UCKL1: variants seen among roughly 807,000 people sequenced by gnomAD.
UCKL1 encodes uridine-cytidine kinase 1 like 1.
A neutral mutation model predicts 59.2 loss-of-function variants in UCKL1; 65 were observed. The observed-to-expected ratio is 1.10, with a 90% CI of 0.90 to 1.35. The LOEUF is 1.35. Ranked by LOEUF, UCKL1 falls within the 40% of genes most tolerant of loss-of-function variation. The probability of loss-of-function intolerance (pLI) is 0.00; values close to 1 mark genes in which losing one functional copy is unlikely to be tolerated. For missense variants in UCKL1, 703 were observed against 784.3 expected, an observed-to-expected ratio of 0.90 and a Z score of 1.24; for synonymous variants, 410 against 323.1, an observed-to-expected ratio of 1.27 and a Z score of -2.88.
Position 63,940,849 on chromosome 20 carries a change from A to C in UCKL1, c.1124T>G (p.Val375Gly). The C allele has an allele frequency of 6.5e-7, 1 of 1,548,730 alleles. No homozygotes were observed. Among genetic ancestry groups the C allele is most frequent in the Non-Finnish European group, 8.7e-7 (1 of 1,146,852 alleles). The change falls in exon 11 of 15, where the codon GTC (valine) becomes GGC (glycine). Residue 375 changes from valine to glycine, a missense_variant. Val to Gly is a moderately radical substitution (Grantham distance 109). This residue lies in a region of UCKL1 where 156 missense variants were observed against 185.6 expected (regional missense o/e 0.84). Transcript: ENST00000354216. ...ALSFLPFQDC[V>G]VQTPQGQDYA... ...GTCCTGCCCCTGCGGGGTCTGTACGACGCAGTCCTGTGGGGTGCAGGGTGA... is the reference window on the plus strand; with the variant it reads ...GTCCTGCCCCTGCGGGGTCTGTACGCCGCAGTCCTGTGGGGTGCAGGGTGA...
chr20:63,951,591 C>T (rs1739628185), intron 1 of UCKL1, among the ~76,000 whole-genome samples: 1 of 152,222 alleles, frequency 6.6e-6, no homozygotes, highest in African/African-American at 2.4e-5. Context: ...CTTGCCCTAC[C>T]CCCACTCACG....
intron 8 of UCKL1, among the ~76,000 whole-genome samples, 187 bp downstream of exon 8, chr20:63,943,466 G>T (rs755628269): frequency 6.6e-6 from 1 of 152,202 alleles, no homozygotes; most frequent in Admixed American, 6.5e-5. Context: ...GCTACTTCAC[G>T]TCTCTGTGCC....
rs994939605 is a variant in UCKL1 at position 63,951,026 on chromosome 20, G to C, written c.114-4383C>G. 7 of 1,253,556 alleles carry C rather than the reference G, an allele frequency of 5.6e-6. No individual in the cohort carries two copies. In the Admixed American group the frequency reaches 2.8e-4, roughly 51 times the overall value. The allele number at this position is 1,253,556 out of a possible 1,614,324, so 77.7% of individuals were successfully genotyped here. On this transcript the variant is annotated intron_variant, in intron 1 of 14. Transcript: ENST00000354216. ...TCCTGTGGGCAGCACAGTGGGTGCAGAGCCGGGTGGCTGGGGTGAGACCCT... is the reference window on the plus strand; with the variant it reads ...TCCTGTGGGCAGCACAGTGGGTGCACAGCCGGGTGGCTGGGGTGAGACCCT...
rs566785799 is a variant in UCKL1 at position 63,941,846 on chromosome 20, G to A, written c.924-638C>T. Among the ~76,000 whole-genome samples the A allele has an allele frequency of 1.8e-4, 28 of 152,196 alleles. No homozygotes were observed. In the East Asian group the frequency reaches 4.7e-3, roughly 25 times the overall value. On this transcript the variant is annotated intron_variant, in intron 8 of 14. Coordinates refer to ENST00000354216, the MANE Select transcript of UCKL1 (RefSeq NM_017859.4). ...GGCAAAGCCGGAAAGGGGCATGACA[G>A]GGGCAGGGAATGGGGCGGGGCAGGA... is the stretch of plus-strand genomic sequence containing the variant.
At chr20:63,946,902 G>A (rs879524300) in intron 1 of UCKL1, among the ~76,000 whole-genome samples, 26 of 151,796 alleles carry the variant, frequency 1.7e-4, no homozygotes, top group Admixed American at 1.4e-3. Context: ...ACATGGTGAA[G>A]ACCCGTCTCT....
rs914499190 is a variant in UCKL1 at position 63,939,870 on chromosome 20, A to C, written c.*106T>G. 2.3e-5 allele frequency: 23 copies of C among 979,260 alleles called. No individual in the cohort carries two copies. The East Asian group carries it at 6.0e-4, about 26-fold the overall frequency. The allele number at this position is 979,260 out of a possible 1,614,324, so 60.7% of individuals were successfully genotyped here. On this transcript the variant is annotated 3_prime_UTR_variant, in exon 15 of 15. Transcript: ENST00000354216. ...TTTATTTATTTTATAAAATGCATAG[A>C]ATAAATTATACTAGTAACATTTTAA...
chr20:63,955,330 C>G (rs1569169084), intron 1 of UCKL1: 1 of 152,306 alleles, frequency 6.6e-6, no homozygotes, highest in African/African-American at 2.4e-5. Flanking sequence ...ATGCAAAGTT[C>G]CTAGTCACTG....
chr20:63,940,892 G>A (rs2054197171), intron 10 of UCKL1, 36 bp from the exon 11 acceptor site: 1 of 1,525,178 alleles, frequency 6.6e-7, no homozygotes, highest in Non-Finnish European at 8.8e-7. Context: ...GGTGAGCGCA[G>A]GGAGCTCGCA....
intron 1 of UCKL1, chr20:63,955,445 C>G (rs1297206594): frequency 6.6e-6 from 1 of 152,262 alleles, no homozygotes; most frequent in African/African-American, 2.4e-5. Context: ...CACCCTTCCC[C>G]CTGCGGCATC....
In UCKL1 at chr20:63,944,865, A is replaced by G. The variant is rs2055712327; in HGVS notation, c.655-131T>C. On this transcript the variant is annotated intron_variant, in intron 5 of 14. Coordinates refer to ENST00000354216, the MANE Select transcript of UCKL1 (RefSeq NM_017859.4). ...AGCCACTTCCCCAGGGCACCCTGGC[A>G]GGTGGGGAGGAGTGGGGAGGTGGGG... 5 of 1,172,056 alleles carry G rather than the reference A, an allele frequency of 4.3e-6. No homozygotes were observed. The South Asian group carries it at 7.4e-5, about 17-fold the overall frequency. The allele number at this position is 1,172,056 out of a possible 1,614,324, so 72.6% of individuals were successfully genotyped here. A position where few individuals can be genotyped will look rare whatever the true frequency, so the allele number is the denominator to read the frequency against.
intron 1 of UCKL1, among the ~76,000 whole-genome samples, chr20:63,947,968 C>CT (rs1379085373): frequency 7.2e-5 from 11 of 152,180 alleles, no homozygotes; most frequent in African/African-American, 2.6e-4. Flanking sequence ...TCTGGGGAGG[C>CT]TCAATATGGC....
Position 63,939,915 on chromosome 20 carries a change from C to A in UCKL1, c.*61G>T. ...TTTTAAAAATTAACATCTTTGTATT[C>A]AGCAGTCCTGGGTCAGGAGGCAGGA... is the stretch of plus-strand genomic sequence containing the variant. On this transcript the variant is annotated 3_prime_UTR_variant, in exon 15 of 15. Coordinates refer to ENST00000354216, the MANE Select transcript of UCKL1 (RefSeq NM_017859.4). 7.4e-7 allele frequency: 1 copy of A among 1,358,368 alleles called. No homozygotes were observed. 84.1% of individuals were successfully genotyped at this position (1,358,368 alleles called of 1,614,324 possible).
At position 63,946,579 on chromosome 20, in the gene UCKL1, G is replaced by A. The variant is rs367549303; in HGVS notation, c.178C>T (p.Arg60Trp). 1.4e-5 allele frequency: 23 copies of A among 1,611,342 alleles called. No homozygotes were observed. The highest frequency in any genetic ancestry group is 1.7e-5 in the Non-Finnish European group (20 of 1,179,760). The change falls in exon 2 of 15, where the codon CGG (arginine) becomes TGG (tryptophan). Residue 60 changes from arginine to tryptophan, a missense_variant. This residue lies in a region of UCKL1 where 398 missense variants were observed against 373.0 expected (regional missense o/e 1.07). Coordinates refer to ENST00000354216, the MANE Select transcript of UCKL1 (RefSeq NM_017859.4). Reference sequence around the variant, plus strand: ...TCTGACTTGCACTGGCTGGTGGTCCGCTTCCGGGGAGAGCGCCCAGTGCCC... The same window carrying A: ...TCTGACTTGCACTGGCTGGTGGTCCACTTCCGGGGAGAGCGCCCAGTGCCC... ...PVGTGRSPRK[R>W]TTSQCKSEPP...
At position 63,950,735 on chromosome 20, in the gene UCKL1, C is replaced by T. The variant is rs1157593843; in HGVS notation, c.114-4092G>A. 4.0e-6 allele frequency: 6 copies of T among 1,509,004 alleles called. No homozygotes were observed. In the South Asian group the frequency reaches 7.8e-5, roughly 20 times the overall value. The allele number at this position is 1,509,004 out of a possible 1,614,324, so 93.5% of individuals were successfully genotyped here. The stretch of plus-strand genomic sequence containing the variant: ...CAGCACAAGTGGGTGCCCCTCACGG[C>T]AGAGACCTCCAGTCGAGACTCACCT... On this transcript the variant is annotated intron_variant, in intron 1 of 14. Transcript: ENST00000354216.
At chr20:63,949,771 C>T (rs1382196656) in intron 1 of UCKL1, among the ~76,000 whole-genome samples, 1 of 152,274 alleles carries the variant, frequency 6.6e-6, no homozygotes. Flanking sequence ...CACAATCTGA[C>T]TTGCAAAGAG....
chr20:63,944,844 A>C, intron 5 of UCKL1, 110 bp from the exon 6 acceptor site: 3 of 1,368,386 alleles, frequency 2.2e-6, no homozygotes, highest in Non-Finnish European at 3.0e-6. Flanking sequence ...GGCCAGAGCC[A>C]CTTCCCCAGG....
At chr20:63,951,176 A>T in intron 1 of UCKL1, 1 of 1,036,340 alleles carries the variant, frequency 9.6e-7, no homozygotes, top group African/African-American at 1.7e-5. Context: ...CACAGGCATA[A>T]GAGGATCACC....
intron 1 of UCKL1, chr20:63,954,566 C>T (rs1278739989): frequency 6.6e-6 from 1 of 152,376 alleles, no homozygotes; most frequent in Non-Finnish European, 1.5e-5. Flanking sequence ...GACGCAGGAA[C>T]GTTGGGGACA....
intron 1 of UCKL1, chr20:63,951,065 C>G: frequency 8.3e-7 from 1 of 1,211,270 alleles, no homozygotes; most frequent in Non-Finnish European, 1.0e-6. Flanking sequence ...CTGGCAGAAG[C>G]TGCCTGCCAA....
Sources: allele counts gnomAD v4.1 joint callset (sites outside exome capture counted in the v4.1 genomes callset), GRCh38; gene constraint gnomAD v4.1.1; regional missense constraint gnomAD v4.1.1; transcripts MANE v1.5; gene names NCBI Gene and HGNC (gene_info 2026-07-23, HGNC 2026-07-21).